HACD1: variants seen among roughly 807,000 people sequenced by gnomAD.
The protein encoded by HACD1 is 3-hydroxyacyl-CoA dehydratase 1, also known as very-long-chain (3R)-3-hydroxyacyl-CoA dehydratase 1.
In HACD1, 41 loss-of-function variants were observed where a neutral mutation model predicts 32.0. The observed-to-expected ratio is 1.28, with a 90% CI of 1.00 to 1.66. The LOEUF (loss-of-function observed/expected upper bound fraction) is 1.66, where lower values mean the gene tolerates loss of function less well. HACD1 is among the 40% of genes most tolerant of loss of function. The pLI is 0.00. For missense variants in HACD1, 396 were observed against 380.1 expected (o/e 1.04, Z -0.35); for synonymous variants, 142 against 139.0 (o/e 1.02, Z -0.15).
At chr10:17,592,398 A>G (rs1036853316) in intron 6 of HACD1, among the ~76,000 whole-genome samples, 5 of 152,202 alleles carry the variant, frequency 3.3e-5, no homozygotes, top group Non-Finnish European at 7.3e-5. Flanking sequence ...TTAGCAAAGG[A>G]TTTAATAAGT....
intron 5 of HACD1, among the ~76,000 whole-genome samples, chr10:17,596,720 T>A (rs988185257): frequency 5.9e-5 from 9 of 152,152 alleles, no homozygotes; most frequent in Admixed American, 3.9e-4. Flanking sequence ...GATACAATGC[T>A]TCTTTGAAGG....
At position 17,617,282 on chromosome 10, in the gene HACD1, C is replaced by T; in HGVS notation, c.58G>A (p.Ala20Thr). The T allele has an allele frequency of 6.8e-7, 1 of 1,463,964 alleles. No individual in the cohort carries two copies. The highest frequency in any genetic ancestry group is 9.0e-7 in the Non-Finnish European group (1 of 1,114,008). The allele number at this position is 1,463,964 out of a possible 1,614,324, so 90.7% of individuals were successfully genotyped here. Residue 20 changes from alanine (A) to threonine (T), a missense_variant, in exon 1 of 7, where the codon GCA (alanine) becomes ACA (threonine). Ala to Thr is a moderately conservative substitution (Grantham distance 58). Transcript: ENST00000361271. ...GGCAGGAGCGTGGGAGGGGACCCTG[C>T]CCAGCCTGCAGCCCGAGAGCCGCTG... The part of the protein sequence containing the change: ...AGSGSRAAGW[A>T]GSPPTLLPLS...
At chr10:17,617,003 C>G (rs1833097323) in intron 1 of HACD1, 80 bp downstream of exon 1, 1 of 1,311,672 alleles carries the variant, frequency 7.6e-7, no homozygotes, top group Non-Finnish European at 9.7e-7. Flanking sequence ...CCCTTACACC[C>G]CGGCCCGCGC....
chr10:17,604,124 T>G, intron 1 of HACD1, 77 bp from the exon 2 acceptor site: 1 of 1,072,338 alleles, frequency 9.3e-7, no homozygotes, highest in Non-Finnish European at 1.4e-6. Context: ...TACAGCAGCG[T>G]TATTCAAAAT....
intron 1 of HACD1, among the ~76,000 whole-genome samples, chr10:17,608,871 A>G (rs1834186715): frequency 6.6e-6 from 1 of 152,180 alleles, no homozygotes; most frequent in Non-Finnish European, 1.5e-5. Flanking sequence ...CCAATATGTG[A>G]GTGCTTCAAC....
intron 5 of HACD1, among the ~76,000 whole-genome samples, chr10:17,596,240 A>G (rs1209415005): frequency 1.3e-5 from 2 of 152,198 alleles, no homozygotes; most frequent in African/African-American, 2.4e-5. Context: ...ATTATTTGCC[A>G]AAATAGATGA....
intron 1 of HACD1, among the ~76,000 whole-genome samples, chr10:17,612,847 G>A (rs1413600345): frequency 4.6e-5 from 7 of 150,684 alleles, no homozygotes; most frequent in Admixed American, 2.0e-4. Flanking sequence ...GCGAGAATCC[G>A]GGAGGCGGAA....
Position 17,594,251 on chromosome 10 carries a change from A to T in HACD1, c.738T>A (p.Phe246Leu), listed in dbSNP as rs550613909. The change falls in exon 6 of 7, where the codon TTT becomes TTA. Residue 246 changes from phenylalanine (F) to leucine (L), a missense_variant. Coordinates refer to ENST00000361271, the MANE Select transcript of HACD1 (RefSeq NM_014241.4). Reference sequence around the variant, plus strand: ...TTATAAGAAGAAAATAATAGTAGTCAAAAGAGACATTGTATTTGTTAGGAA... The same window carrying T: ...TTATAAGAAGAAAATAATAGTAGTCTAAAGAGACATTGTATTTGTTAGGAA... ...IRLPNKYNVS[F>L]DYYYFLLITM... 2.0e-5 allele frequency: 32 copies of T among 1,596,640 alleles called. 3 individuals carry two copies. The South Asian group carries it at 3.6e-4, about 18-fold the overall frequency.
intron 4 of HACD1, among the ~76,000 whole-genome samples, chr10:17,600,618 G>A (rs1469974302): frequency 1.1e-4 from 16 of 151,998 alleles, no homozygotes; most frequent in Admixed American, 1.0e-3. Flanking sequence ...GAGCCACCAT[G>A]CCCAGCCCAG....
intron 1 of HACD1, among the ~76,000 whole-genome samples, chr10:17,607,576 C>T (rs560928165): frequency 6.6e-6 from 1 of 152,258 alleles, no homozygotes; most frequent in Admixed American, 6.5e-5. Flanking sequence ...CAGTTATTAA[C>T]CTACCAATCA....
In HACD1 at chr10:17,599,648, C is replaced by T. The variant is rs531233790; in HGVS notation, c.484-237G>A. Among the ~76,000 whole-genome samples the T allele has an allele frequency of 3.5e-3, 531 of 152,278 alleles. 3 individuals carry two copies. Among genetic ancestry groups the T allele is most frequent in the Non-Finnish European group, 5.2e-3 (356 of 68,022 alleles). On this transcript the variant is annotated intron_variant, in intron 4 of 6. Coordinates refer to ENST00000361271, the MANE Select transcript of HACD1 (RefSeq NM_014241.4). ...GACTCGTTTTTCTTCCCTCGTCCTT[C>T]ACTTCAGGAAATAACGCTATCATCA...
rs565143613 is a variant in HACD1, at chr10:17,593,391, C to G, written c.784+814G>C. ...AATGCAATGGCATCATGTCAGTTCACTGCAACTTCTGCCTCTCAGGTTCAA... is the reference window on the plus strand; with the variant it reads ...AATGCAATGGCATCATGTCAGTTCAGTGCAACTTCTGCCTCTCAGGTTCAA... On this transcript the variant is annotated intron_variant, in intron 6 of 6. Transcript: ENST00000361271. 7.9e-5 allele frequency among the ~76,000 whole-genome samples: 12 copies of G among 151,936 alleles called. No individual in the cohort carries two copies. The South Asian group carries it at 2.5e-3, about 32-fold the overall frequency.
chr10:17,615,934 C>T (rs1230353389), intron 1 of HACD1: 1 of 344,626 alleles, frequency 2.9e-6, no homozygotes, highest in Non-Finnish European at 6.0e-6. Context: ...CGCCAATGCA[C>T]TCCAGCCTGG....
intron 1 of HACD1, chr10:17,615,987 G>A (rs574780904): frequency 1.5e-5 from 4 of 265,440 alleles, no homozygotes; most frequent in African/African-American, 9.3e-5. Flanking sequence ...ATAAAATACT[G>A]TCAGGGCGGG....
chr10:17,608,939 A>G (rs1834187968), intron 1 of HACD1, among the ~76,000 whole-genome samples: 1 of 152,188 alleles, frequency 6.6e-6, no homozygotes, highest in South Asian at 2.1e-4. Flanking sequence ...TCATAAAAGA[A>G]AAAACAAACG....
chr10:17,616,954 G>A, intron 1 of HACD1, 129 bp downstream of exon 1: 17 of 1,056,632 alleles, frequency 1.6e-5, no homozygotes, highest in Non-Finnish European at 1.8e-5. Context: ...CGCGGCGACA[G>A]CTCCCTTCCC....
chr10:17,607,488 T>G (rs1834164675), intron 1 of HACD1, among the ~76,000 whole-genome samples: 1 of 152,198 alleles, frequency 6.6e-6, no homozygotes, highest in Non-Finnish European at 1.5e-5. Context: ...ATTAAGATAT[T>G]TTCATTCACA....
At chr10:17,605,339 A>G (rs1467937876) in intron 1 of HACD1, among the ~76,000 whole-genome samples, 1 of 152,018 alleles carries the variant, frequency 6.6e-6, no homozygotes, top group African/African-American at 2.4e-5. Flanking sequence ...AGTCTGGCCA[A>G]CATGGTGAAA....
At chr10:17,609,982 C>CAAAA (rs1189308859) in intron 1 of HACD1, among the ~76,000 whole-genome samples, 2 of 64,784 alleles carry the variant, frequency 3.1e-5, no homozygotes, top group Non-Finnish European at 6.4e-5. Context: ...GACTCCATCT[C>CAAAA]AAAAAAAAAA....
Sources: gnomAD v4.1 joint callset for allele counts (sites outside exome capture counted in the v4.1 genomes callset) on GRCh38, gnomAD v4.1.1 for gene constraint, MANE v1.5 for transcripts, NCBI Gene and HGNC (gene_info 2026-07-23, HGNC 2026-07-21) for gene names.